Variants in AFF3 observed in about 807,000 individuals in gnomAD.
The protein encoded by AFF3 is AF4/FMR2 family member 3.
A neutral mutation model predicts 129.7 loss-of-function variants in AFF3; 32 were observed. The observed-to-expected ratio is 0.25, with a 90% CI of 0.19 to 0.33. The LOEUF (loss-of-function observed/expected upper bound fraction) is 0.33. Ranked by LOEUF, AFF3 falls within the 10% of genes least tolerant of loss-of-function variation. The probability of loss-of-function intolerance (pLI) is 1.00; values close to 1 mark genes in which losing one functional copy is unlikely to be tolerated. For missense variants in AFF3, 1,373 were observed against 1,592.0 expected (o/e 0.86, Z 2.34); for synonymous variants, 644 against 635.4 (o/e 1.01, Z -0.20).
At chr2:99,930,496 G>A (rs751951421) in intron 7 of AFF3, among the ~76,000 whole-genome samples, 7 of 152,122 alleles carry the variant, frequency 4.6e-5, no homozygotes, top group East Asian at 1.9e-4. Context: ...TATAGTAGGC[G>A]AGACAGGCTT....
intron 7 of AFF3, among the ~76,000 whole-genome samples, chr2:99,947,417 TG>T (rs1174285184): frequency 6.6e-6 from 1 of 150,708 alleles, no homozygotes; most frequent in African/African-American, 2.4e-5. Flanking sequence ...CACTCCAGCC[TG>T]GGAGACAGAG....
chr2:99,838,760 G>A (rs1024491666), intron 7 of AFF3, among the ~76,000 whole-genome samples: 3 of 152,170 alleles, frequency 2.0e-5, no homozygotes, highest in African/African-American at 7.2e-5. Context: ...AAATGAATGA[G>A]TTTACTTCCT....
rs368281678 is a variant in AFF3, at chr2:99,789,183, C to T, written c.922-36882G>A. On this transcript the variant is annotated intron_variant, in intron 8 of 24. Coordinates refer to ENST00000672756, the MANE Select transcript of AFF3 (RefSeq NM_001386135.1). ...CAGGTGCGGTGCCATGCCTGTAATT[C>T]CAACTCTTTGGGAGGCCAAGTTGGG... Among the ~76,000 whole-genome samples, 11 of 152,198 alleles carry T rather than the reference C, an allele frequency of 7.2e-5. No homozygotes were observed. In the East Asian group the frequency reaches 1.2e-3, roughly 16 times the overall value.
intron 7 of AFF3, among the ~76,000 whole-genome samples, chr2:99,982,302 T>C (rs1213379318): frequency 2.0e-5 from 3 of 152,198 alleles, no homozygotes; most frequent in African/African-American, 7.2e-5. Flanking sequence ...TCACGAGATC[T>C]GATGGTTTTA....
intron 7 of AFF3, among the ~76,000 whole-genome samples, chr2:99,838,310 G>A (rs183242528): frequency 1.6e-4 from 25 of 152,134 alleles, no homozygotes; most frequent in African/African-American, 5.8e-4. Context: ...ACTTCTCTTC[G>A]TCCTGCAATT....
intron 11 of AFF3, among the ~76,000 whole-genome samples, chr2:99,675,781 A>G (rs770151122): frequency 2.6e-5 from 4 of 152,190 alleles, no homozygotes; most frequent in Non-Finnish European, 5.9e-5. Context: ...CCTTCACCAA[A>G]CACACAAATG....
chr2:99,776,526 C>T (rs1683915343), intron 8 of AFF3, among the ~76,000 whole-genome samples: 1 of 152,158 alleles, frequency 6.6e-6, no homozygotes, highest in East Asian at 1.9e-4. Context: ...ATTCTTTCCC[C>T]ACTCTGTTTT....
At chr2:99,965,741 G>T (rs1179010353) in intron 7 of AFF3, among the ~76,000 whole-genome samples, 1 of 152,178 alleles carries the variant, frequency 6.6e-6, no homozygotes, top group Non-Finnish European at 1.5e-5. Flanking sequence ...CCCAGCCTAT[G>T]GGCTGTGAGA....
intron 10 of AFF3, among the ~76,000 whole-genome samples, chr2:99,735,652 C>T (rs1214084945): frequency 6.6e-6 from 1 of 152,108 alleles, no homozygotes; most frequent in African/African-American, 2.4e-5. Flanking sequence ...GCCACCACAC[C>T]CAGCTAAATT....
intron 11 of AFF3, among the ~76,000 whole-genome samples, chr2:99,717,999 A>T (rs1409452259): frequency 6.6e-6 from 1 of 152,138 alleles, no homozygotes; most frequent in African/African-American, 2.4e-5. Flanking sequence ...ATATGGATCC[A>T]CTTCTAGACT....
At position 100,105,597 on chromosome 2, in the gene AFF3, A is replaced by G; in HGVS notation, c.-144-14T>C. ...GCAGGTGATCAGCTAGAAGGGTGATAAGAGTATCATCGTGGCTCCTAAAGA... is the reference window on the plus strand; with the variant it reads ...GCAGGTGATCAGCTAGAAGGGTGATGAGAGTATCATCGTGGCTCCTAAAGA... On this transcript the variant is annotated splice_polypyrimidine_tract_variant and intron_variant, in intron 2 of 24. Transcript: ENST00000672756. The G allele has an allele frequency of 2.2e-6, 3 of 1,334,816 alleles. No individual in the cohort carries two copies. Among genetic ancestry groups the G allele is most frequent in the Non-Finnish European group, 3.0e-6 (3 of 1,006,712 alleles). The allele number at this position is 1,334,816 out of a possible 1,614,324, so 82.7% of individuals were successfully genotyped here.
At chr2:99,859,430 G>A (rs1471957298) in intron 7 of AFF3, among the ~76,000 whole-genome samples, 1 of 152,086 alleles carries the variant, frequency 6.6e-6, no homozygotes, top group East Asian at 1.9e-4. Flanking sequence ...CCCTGGGGTG[G>A]GATCCAAGAT....
chr2:99,866,520 G>T (rs951003693), intron 7 of AFF3, among the ~76,000 whole-genome samples: 1 of 152,102 alleles, frequency 6.6e-6, no homozygotes, highest in Non-Finnish European at 1.5e-5. Context: ...AGAAGAAACT[G>T]CCACCATCAT....
At chr2:99,795,869 G>A (rs1463155008) in intron 8 of AFF3, among the ~76,000 whole-genome samples, 1 of 151,982 alleles carries the variant, frequency 6.6e-6, no homozygotes, top group Non-Finnish European at 1.5e-5. Flanking sequence ...TTATTTGCAT[G>A]TTGCCTCCTC....
intron 4 of AFF3, among the ~76,000 whole-genome samples, chr2:100,080,612 T>C (rs1178844406): frequency 6.6e-6 from 1 of 152,076 alleles, no homozygotes; most frequent in Non-Finnish European, 1.5e-5. Context: ...TACATATATA[T>C]TAAGGCAAGA....
At chr2:99,791,678 C>T (rs148925582) in intron 8 of AFF3, among the ~76,000 whole-genome samples, 7 of 152,312 alleles carry the variant, frequency 4.6e-5, no homozygotes, top group East Asian at 3.9e-4. Context: ...TTCATGGACA[C>T]GCACAGAATG....
At chr2:99,689,992 C>T (rs1238448683) in intron 11 of AFF3, among the ~76,000 whole-genome samples, 1 of 149,580 alleles carries the variant, frequency 6.7e-6, no homozygotes, top group African/African-American at 2.5e-5. Flanking sequence ...GAGGCTGGGA[C>T]AGGAGAATTG....
intron 7 of AFF3, among the ~76,000 whole-genome samples, chr2:99,889,346 T>C (rs1186173348): frequency 6.6e-6 from 1 of 152,184 alleles, no homozygotes; most frequent in African/African-American, 2.4e-5. Context: ...AGAAAGGCAA[T>C]AGGTTTCAAT....
At chr2:99,847,135 G>A (rs948115474) in intron 7 of AFF3, among the ~76,000 whole-genome samples, 3 of 151,926 alleles carry the variant, frequency 2.0e-5, no homozygotes, top group African/African-American at 7.2e-5. Flanking sequence ...TTTTTAAATC[G>A]ATCTACCTAC....
Sources: allele counts gnomAD v4.1 joint callset (sites outside exome capture counted in the v4.1 genomes callset), GRCh38; gene constraint gnomAD v4.1.1; transcripts MANE v1.5; gene names NCBI Gene and HGNC (gene_info 2026-07-23, HGNC 2026-07-21).